RALGPS2: variants seen among roughly 807,000 people sequenced by gnomAD.
RALGPS2 encodes ras-specific guanine nucleotide-releasing factor RalGPS2.
RALGPS2 carries 43 observed loss-of-function variants against 86.8 expected under a neutral mutation model. That is an observed-to-expected ratio of 0.50 (90% CI 0.39 to 0.64). The LOEUF (loss-of-function observed/expected upper bound fraction) is 0.64, where lower values mean the gene tolerates loss of function less well. Among genes scored for constraint, RALGPS2 ranks in the 30% least tolerant of loss-of-function variants. The probability of loss-of-function intolerance (pLI) is 0.00; values close to 1 mark genes in which losing one functional copy is unlikely to be tolerated. For synonymous variants in RALGPS2, 243 were observed against 231.3 expected (o/e 1.05, Z -0.46); for missense variants, 536 against 694.6 (o/e 0.77, Z 2.57).
intron 4 of RALGPS2, among the ~76,000 whole-genome samples, chr1:178,786,024 A>G (rs73037780): frequency 0.053 from 8,057 of 152,200 alleles, 747 homozygotes; most frequent in African/African-American, 0.18. Context: ...AATGTTACTA[A>G]GAAAATCATA....
chr1:178,890,032 T>C (rs1659654496), intron 14 of RALGPS2, among the ~76,000 whole-genome samples: 1 of 151,978 alleles, frequency 6.6e-6, no homozygotes, highest in Non-Finnish European at 1.5e-5. Flanking sequence ...ATTTAAGTAA[T>C]TTTAAGGCAT....
At chr1:178,843,509 G>T (rs1277812316) in intron 8 of RALGPS2, among the ~76,000 whole-genome samples, 3 of 116,338 alleles carry the variant, frequency 2.6e-5, no homozygotes, top group Non-Finnish European at 3.5e-5. Context: ...GTGGTGGGGT[G>T]GGGGGAGGGG....
At position 178,916,741 on chromosome 1, in the gene RALGPS2, G is replaced by A. The variant is rs1660830577; in HGVS notation, c.*382G>A. ...TTTAACTTTGTAATAATTTTAGAGG[G>A]GGGAATTGCCTTTTTTAGATATGCT... On this transcript the variant is annotated 3_prime_UTR_variant, in exon 20 of 20. Transcript: ENST00000367635. The A allele has an allele frequency of 5.3e-6, 1 of 186,920 alleles. No individual in the cohort carries two copies. Among genetic ancestry groups the A allele is most frequent in the African/African-American group, 2.3e-5 (1 of 42,948 alleles). 11.6% of individuals were successfully genotyped at this position (186,920 alleles called of 1,614,324 possible).
intron 8 of RALGPS2, among the ~76,000 whole-genome samples, chr1:178,836,118 C>G (rs1328714175): frequency 1.3e-5 from 2 of 152,140 alleles, no homozygotes; most frequent in Non-Finnish European, 2.9e-5. Context: ...CAGGTACATT[C>G]ATGCACTCTC....
At chr1:178,806,516 A>AT (rs1216254997) in intron 4 of RALGPS2, among the ~76,000 whole-genome samples, 33 of 152,122 alleles carry the variant, frequency 2.2e-4, no homozygotes, top group African/African-American at 7.7e-4. Context: ...GCATAACAAC[A>AT]TTTTACTCCT....
At chr1:178,881,173 T>C (rs1659229365) in intron 10 of RALGPS2, among the ~76,000 whole-genome samples, 1 of 152,060 alleles carries the variant, frequency 6.6e-6, no homozygotes, top group Admixed American at 6.5e-5. Context: ...AGAACCATAA[T>C]AAAGATATGC....
chr1:178,884,130 C>G (rs979218210), intron 11 of RALGPS2, among the ~76,000 whole-genome samples: 13 of 152,070 alleles, frequency 8.5e-5, no homozygotes, highest in African/African-American at 2.9e-4. Context: ...AATGCACTGT[C>G]CTAGGCAATG....
intron 4 of RALGPS2, among the ~76,000 whole-genome samples, chr1:178,786,602 TTGGTACACAACTAAG>T (rs1572331245): frequency 6.6e-6 from 1 of 151,864 alleles, no homozygotes; most frequent in African/African-American, 2.4e-5. Flanking sequence ...ACAATTGTCT[TTGGTACACAACTAAG>T]TGGTGGAACT....
chr1:178,871,523 C>CTTGT (rs28372846), intron 8 of RALGPS2, among the ~76,000 whole-genome samples: 1 of 151,494 alleles, frequency 6.6e-6, no homozygotes, highest in Non-Finnish European at 1.5e-5. Context: ...AAACATTTTA[C>CTTGT]TAAGTTGCTA....
At chr1:178,773,281 G>C (rs1652897518) in intron 1 of RALGPS2, among the ~76,000 whole-genome samples, 2 of 152,134 alleles carry the variant, frequency 1.3e-5, no homozygotes, top group Non-Finnish European at 2.9e-5. Flanking sequence ...GGAATTGGAG[G>C]CTGCAGTGAG....
At chr1:178,735,584 C>G (rs1650637503) in intron 1 of RALGPS2, among the ~76,000 whole-genome samples, 1 of 148,520 alleles carries the variant, frequency 6.7e-6, no homozygotes, top group Non-Finnish European at 1.5e-5. Context: ...CCACCATGCC[C>G]AGCTAATTTT....
intron 7 of RALGPS2, among the ~76,000 whole-genome samples, chr1:178,829,642 A>G (rs1322196464): frequency 6.6e-6 from 1 of 152,194 alleles, no homozygotes; most frequent in Non-Finnish European, 1.5e-5. Flanking sequence ...TGGAGATCTA[A>G]TGTACAGCAT....
intron 8 of RALGPS2, among the ~76,000 whole-genome samples, chr1:178,849,010 A>T (rs1026694275): frequency 1.3e-5 from 2 of 152,210 alleles, no homozygotes; most frequent in Non-Finnish European, 2.9e-5. Flanking sequence ...AAGTACGTAG[A>T]TGAGTAGTAA....
At chr1:178,891,857 T>C in intron 14 of RALGPS2, among the ~76,000 whole-genome samples, 1 of 152,022 alleles carries the variant, frequency 6.6e-6, no homozygotes, top group East Asian at 1.9e-4. Flanking sequence ...GGGCATCATA[T>C]TTAAACTAGA....
intron 18 of RALGPS2, among the ~76,000 whole-genome samples, chr1:178,903,699 G>A (rs1660273037): frequency 6.6e-6 from 1 of 152,170 alleles, no homozygotes; most frequent in African/African-American, 2.4e-5. Flanking sequence ...TTTTATGGCT[G>A]TGTAGTATTC....
intron 9 of RALGPS2, 54 bp downstream of exon 9, chr1:178,877,689 T>A: frequency 6.3e-7 from 1 of 1,585,188 alleles, no homozygotes; most frequent in Non-Finnish European, 8.6e-7. Context: ...ATCCAGTGAT[T>A]TATTTACACA....
chr1:178,840,974 C>A (rs1656576852), intron 8 of RALGPS2, among the ~76,000 whole-genome samples: 1 of 152,150 alleles, frequency 6.6e-6, no homozygotes. Context: ...CCTGAATAGA[C>A]CAATAACAGG....
At chr1:178,761,312 C>G (rs1259573842) in intron 1 of RALGPS2, among the ~76,000 whole-genome samples, 4 of 151,750 alleles carry the variant, frequency 2.6e-5, no homozygotes, top group Non-Finnish European at 5.9e-5. Context: ...TTTTGCTGTC[C>G]CAGCTATTCG....
At chr1:178,769,237 C>T (rs1334563635) in intron 1 of RALGPS2, among the ~76,000 whole-genome samples, 1 of 151,452 alleles carries the variant, frequency 6.6e-6, no homozygotes, top group Non-Finnish European at 1.5e-5. Flanking sequence ...CAAGTGAGTG[C>T]TTTGAATGCC....
Sources: allele counts gnomAD v4.1 joint callset (sites outside exome capture counted in the v4.1 genomes callset), GRCh38; gene constraint gnomAD v4.1.1; transcripts MANE v1.5; gene names NCBI Gene and HGNC (gene_info 2026-07-23, HGNC 2026-07-21).